Variants in GNAO1 observed in about 807,000 individuals in gnomAD.
The protein encoded by GNAO1 is guanine nucleotide-binding protein G(o) subunit alpha.
For synonymous variants in GNAO1, 164 were observed against 180.7 expected (o/e 0.91, Z 0.74); for missense variants, 166 against 478.7 (o/e 0.35, Z 6.10).
intron 3 of GNAO1, chr16:56,302,931 A>G (rs2037359227): frequency 6.6e-6 from 1 of 152,240 alleles, no homozygotes; most frequent in South Asian, 2.1e-4. Context: ...TCTGTCTATA[A>G]ATAATTCCAC....
At chr16:56,309,813 G>A (rs1161594773) in intron 3 of GNAO1, among the ~76,000 whole-genome samples, 1 of 152,200 alleles carries the variant, frequency 6.6e-6, no homozygotes, top group Non-Finnish European at 1.5e-5. Context: ...GGGTGCTGGG[G>A]CAGTCCTCCC....
At chr16:56,353,817 C>G (rs1242657043) in intron 7 of GNAO1, among the ~76,000 whole-genome samples, 1 of 152,202 alleles carries the variant, frequency 6.6e-6, no homozygotes, top group Non-Finnish European at 1.5e-5. Context: ...GGTCCAGGCA[C>G]TCCTGCTGGG....
At chr16:56,214,994 G>T (rs1259957686) in intron 2 of GNAO1, among the ~76,000 whole-genome samples, 1 of 152,202 alleles carries the variant, frequency 6.6e-6, no homozygotes, top group East Asian at 1.9e-4. Context: ...TGGCTTGGAG[G>T]ACATACCATG....
intron 2 of GNAO1, among the ~76,000 whole-genome samples, chr16:56,256,163 G>A (rs574068731): frequency 1.3e-5 from 2 of 152,282 alleles, no homozygotes; most frequent in Admixed American, 6.5e-5. Context: ...GCTGGTGGGA[G>A]TGGAGCTGTC....
At chr16:56,254,407 C>G (rs575101991) in intron 2 of GNAO1, among the ~76,000 whole-genome samples, 1 of 152,092 alleles carries the variant, frequency 6.6e-6, no homozygotes, top group Admixed American at 6.5e-5. Flanking sequence ...ATAAGTGTTC[C>G]TTTTATCATC....
At chr16:56,278,954 CTAGGG>C (rs2037089482) in intron 3 of GNAO1, among the ~76,000 whole-genome samples, 1 of 152,116 alleles carries the variant, frequency 6.6e-6, no homozygotes, top group Non-Finnish European at 1.5e-5. Context: ...CACTCTCCAC[CTAGGG>C]GATCTGCCAT....
At chr16:56,333,326 C>T (rs894116086) in intron 4 of GNAO1, among the ~76,000 whole-genome samples, 1 of 151,928 alleles carries the variant, frequency 6.6e-6, no homozygotes, top group Non-Finnish European at 1.5e-5. Flanking sequence ...GATTCTCCTG[C>T]CTCAGCCTCC....
chr16:56,343,628 C>G (rs1245075878), intron 6 of GNAO1: 1 of 635,680 alleles, frequency 1.6e-6, no homozygotes, highest in African/African-American at 1.8e-5. Flanking sequence ...CAGGTCCCCT[C>G]CATCAGGTTT....
chr16:56,231,653 C>A (rs997640435), intron 2 of GNAO1, among the ~76,000 whole-genome samples: 1 of 152,136 alleles, frequency 6.6e-6, no homozygotes, highest in Non-Finnish European at 1.5e-5. Context: ...CTTTTCTGAA[C>A]CACTTAAATA....
chr16:56,355,136 A>G, intron 8 of GNAO1, 55 bp downstream of exon 8: 2 of 628,014 alleles, frequency 3.2e-6, no homozygotes, highest in Non-Finnish European at 5.4e-6. Flanking sequence ...ACACACACAC[A>G]CACACACACA....
At chr16:56,299,204 G>C (rs2037317376) in intron 3 of GNAO1, among the ~76,000 whole-genome samples, 1 of 152,252 alleles carries the variant, frequency 6.6e-6, no homozygotes, top group Non-Finnish European at 1.5e-5. Flanking sequence ...CTGCCATCCA[G>C]GTGAACATTC....
intron 6 of GNAO1, among the ~76,000 whole-genome samples, chr16:56,337,308 G>C (rs1442762669): frequency 6.6e-6 from 1 of 152,256 alleles, no homozygotes; most frequent in Non-Finnish European, 1.5e-5. Flanking sequence ...GATGCTGAGG[G>C]AGAGGTGGGG....
rs2037949865 is a variant in GNAO1 at position 56,354,365 on chromosome 16, T to TA, written c.878-501_878-500insA. ...TTGGTGCAAAAGTAATTGCAGTAAT[T>TA]GCAGTTTTGCTATCAAAAGTAATGG... On this transcript the variant is annotated intron_variant, in intron 7 of 8. Transcript: ENST00000262493. This position sits in a 1 kb window ranked among gnomAD's most constrained non-coding sequence, Gnocchi z 4.3. Among the ~76,000 whole-genome samples, 2 of 140,490 alleles carry TA rather than the reference T, an allele frequency of 1.4e-5. No individual in the cohort carries two copies. The highest frequency in any genetic ancestry group is 5.6e-5 in the African/African-American group (2 of 35,750). 92.2% of individuals were successfully genotyped at this position (140,490 alleles called of 152,430 possible). A position where few individuals can be genotyped will look rare whatever the true frequency, so the allele number is the denominator to read the frequency against.
At chr16:56,264,785 AT>A (rs1267877037) in intron 2 of GNAO1, among the ~76,000 whole-genome samples, 2 of 148,554 alleles carry the variant, frequency 1.3e-5, no homozygotes, top group Middle Eastern at 3.3e-3. Flanking sequence ...TAATTAATAT[AT>A]TTTTATCGTA....
chr16:56,304,464 A>T (rs1276412734), intron 3 of GNAO1, among the ~76,000 whole-genome samples: 5 of 152,208 alleles, frequency 3.3e-5, no homozygotes, highest in Non-Finnish European at 5.9e-5. Flanking sequence ...GACTTAACAT[A>T]ACACTTTAAC....
chr16:56,216,668 T>C (rs908259926), intron 2 of GNAO1, among the ~76,000 whole-genome samples: 6 of 152,194 alleles, frequency 3.9e-5, no homozygotes, highest in Non-Finnish European at 7.3e-5. Context: ...GATGTGAAAG[T>C]CTCACAGGAC....
intron 2 of GNAO1, among the ~76,000 whole-genome samples, chr16:56,200,169 C>T (rs1242982990): frequency 1.3e-5 from 2 of 152,174 alleles, no homozygotes; most frequent in Non-Finnish European, 2.9e-5. Context: ...ATGCATATTG[C>T]ACATTGTGAA....
intron 2 of GNAO1, among the ~76,000 whole-genome samples, chr16:56,238,229 C>A (rs748005902): frequency 2.0e-5 from 3 of 152,130 alleles, no homozygotes; most frequent in Admixed American, 2.0e-4. Context: ...AGGCTTCCCC[C>A]AGTCTGACAG....
intron 6 of GNAO1, chr16:56,341,090 C>T: frequency 2.2e-6 from 2 of 915,240 alleles, no homozygotes; most frequent in Non-Finnish European, 3.4e-6. Context: ...GACTCTGCCA[C>T]AGAGAATCCA....
Sources: gnomAD v4.1 joint callset for allele counts (sites outside exome capture counted in the v4.1 genomes callset) on GRCh38, gnomAD v4.1.1 for gene constraint, Gnocchi (gnomAD v3.1) non-coding constraint, MANE v1.5 for transcripts, NCBI Gene and HGNC (gene_info 2026-07-23, HGNC 2026-07-21) for gene names.